Variants in AADACL2 observed in about 807,000 individuals in gnomAD.
AADACL2 encodes arylacetamide deacetylase-like 2.
AADACL2 carries 23 observed loss-of-function variants against 22.3 expected under a neutral mutation model. The observed-to-expected ratio is 1.03, with a 90% CI of 0.74 to 1.46. The LOEUF (loss-of-function observed/expected upper bound fraction) is 1.46, where lower values mean the gene tolerates loss of function less well. AADACL2 is among the 40% of genes most tolerant of loss of function. AADACL2 has a pLI of 0.00. For missense variants in AADACL2, 472 were observed against 482.9 expected, an observed-to-expected ratio of 0.98 and a Z score of 0.21; for synonymous variants, 177 against 166.2, an observed-to-expected ratio of 1.07 and a Z score of -0.50.
At chr3:151,743,423 ATG>A (rs960992353) in intron 2 of AADACL2, among the ~76,000 whole-genome samples, 2 of 151,592 alleles carry the variant, frequency 1.3e-5, no homozygotes, top group African/African-American at 2.4e-5. Flanking sequence ...CTGGGGAAAG[ATG>A]TGTGTGTGTG....
At chr3:151,749,484 CT>C (rs1038929559) in intron 4 of AADACL2, among the ~76,000 whole-genome samples, 37 of 151,372 alleles carry the variant, frequency 2.4e-4, no homozygotes, top group African/African-American at 8.5e-4. Context: ...TGAAAATAGA[CT>C]TTTTTTTTGG....
At position 151,734,062 on chromosome 3, in the gene AADACL2, G is replaced by T. The variant is rs1214306404; in HGVS notation, c.27G>T (p.Gly9=). The T allele has an allele frequency of 1.2e-6, 2 of 1,612,922 alleles. No homozygotes were observed. The highest frequency in any genetic ancestry group is 1.7e-4 in the Middle Eastern group (1 of 6,052). The change falls in exon 1 of 5, where the codon GGG becomes GGT. Residue 9 remains glycine, a synonymous_variant. Coordinates refer to ENST00000356517, the MANE Select transcript of AADACL2 (RefSeq NM_207365.4). ...TGGGGCTAAAAGCTCTCTGTTTGGG[G>T]CTGCTTTGTGTTCTTTTTGTCTCTC... MGLKALCL[G]LLCVLFVSHF... is the part of the protein sequence containing the mutation.
Position 151,744,128 on chromosome 3 carries a change from G to A in AADACL2, c.397G>A (p.Ala133Thr). ...TTTTGACTTCCTGAATAGATGGACG[G>A]CAAACACGCTTGATGCTGTTGTTGT... ...RAFDFLNRWT[A>T]NTLDAVVVGV... The change falls in exon 3 of 5, where the codon GCA (alanine) becomes ACA (threonine). Residue 133 changes from alanine (A) to threonine (T), a missense_variant. By Grantham distance (58) the Ala-to-Thr change is moderately conservative. Transcript: ENST00000356517. 3 of 1,613,628 alleles carry A rather than the reference G, an allele frequency of 1.9e-6. No individual in the cohort carries two copies. The highest frequency in any genetic ancestry group is 2.5e-6 in the Non-Finnish European group (3 of 1,179,714).
chr3:151,745,694 G>T lies in AADACL2; in HGVS notation c.603+14G>T. 1.3e-6 allele frequency: 2 copies of T among 1,554,580 alleles called. No homozygotes were observed. The highest frequency in any genetic ancestry group is 8.7e-7 in the Non-Finnish European group (1 of 1,154,556). ...GTCACTCAACAGGTACATTATATTT[G>T]TTTTTATGATAGGAGGCAGAAATTG... On this transcript the variant is annotated intron_variant, in intron 4 of 4. Coordinates refer to ENST00000356517, the MANE Select transcript of AADACL2 (RefSeq NM_207365.4).
At chr3:151,747,432 C>T (rs1226767914) in intron 4 of AADACL2, among the ~76,000 whole-genome samples, 1 of 152,138 alleles carries the variant, frequency 6.6e-6, no homozygotes. Context: ...CCCAGCTCCT[C>T]ATAACCACCA....
At chr3:151,740,966 C>A in intron 2 of AADACL2, 98 bp downstream of exon 2, 2 of 931,206 alleles carry the variant, frequency 2.1e-6, no homozygotes, top group Non-Finnish European at 3.2e-6. Context: ...ATACATACAT[C>A]TATATATATA....
In AADACL2 at chr3:151,757,561, T is replaced by C. The variant is rs775596330; in HGVS notation, c.1173T>C (p.Asp391=). ...FYLRLGLRIR[D]MYVSWLDKNL The stretch of plus-strand genomic sequence containing the variant: ...TACGTCTAGGTCTTAGGATAAGAGA[T>C]ATGTATGTAAGTTGGCTGGATAAGA... The change falls in exon 5 of 5, where the codon GAT becomes GAC. Residue 391 remains aspartate, a synonymous_variant. Transcript: ENST00000356517. The C allele has an allele frequency of 6.2e-6, 10 of 1,611,926 alleles. No homozygotes were observed. The highest frequency in any genetic ancestry group is 1.1e-5 in the South Asian group (1 of 90,888).
intron 1 of AADACL2, among the ~76,000 whole-genome samples, chr3:151,735,974 C>A (rs1576609690): frequency 6.6e-6 from 1 of 152,038 alleles, no homozygotes; most frequent in East Asian, 1.9e-4. Context: ...ATACCAAAGG[C>A]AGCTTTTTTC....
rs1182741915 is a variant in AADACL2 at position 151,744,126 on chromosome 3, CG to C, written c.397del (p.Ala133GlnfsTer9). The C allele has an allele frequency of 6.2e-7, 1 of 1,613,540 alleles. No homozygotes were observed. The highest frequency in any genetic ancestry group is 8.5e-7 in the Non-Finnish European group (1 of 1,179,728). On this transcript the variant is annotated frameshift_variant, in exon 3 of 5. Transcript: ENST00000356517. LOFTEE classifies it high-confidence loss of function. ...QRAFDFLNRWTANTLDAVVVG... is the reference protein window; with the variant it reads ...QRAFDFLNRWXANTLDAVVVG... ...GCTTTTGACTTCCTGAATAGATGGA[CG>C]GCAAACACGCTTGATGCTGTTGTTG...
At chr3:151,737,687 G>C (rs1713138288) in intron 1 of AADACL2, among the ~76,000 whole-genome samples, 1 of 152,128 alleles carries the variant, frequency 6.6e-6, no homozygotes, top group Non-Finnish European at 1.5e-5. Flanking sequence ...AGCTCTTCTT[G>C]TTGCCTTGGT....
At chr3:151,749,774 C>A (rs1056591787) in intron 4 of AADACL2, among the ~76,000 whole-genome samples, 4 of 151,646 alleles carry the variant, frequency 2.6e-5, no homozygotes, top group African/African-American at 9.7e-5. Flanking sequence ...AGCCACTGCA[C>A]CCGGCCCAGA....
At chr3:151,740,579 C>G in intron 1 of AADACL2, 67 bp from the exon 2 acceptor site, 2 of 1,051,178 alleles carry the variant, frequency 1.9e-6, no homozygotes, top group Non-Finnish European at 2.6e-6. Flanking sequence ...TTTTAACTTT[C>G]TTTTTAAATA....
rs915209385 is a variant in AADACL2, at chr3:151,755,510, T to G, written c.604-1482T>G. 4.6e-5 allele frequency among the ~76,000 whole-genome samples: 7 copies of G among 152,272 alleles called. No homozygotes were observed. The East Asian group carries it at 1.2e-3, about 25-fold the overall frequency. The stretch of plus-strand genomic sequence containing the variant: ...AAACACACCTGATAAATAACATAGT[T>G]GTTAAGACTATGGCAAAATTGCCAA... On this transcript the variant is annotated intron_variant, in intron 4 of 4. Coordinates refer to ENST00000356517, the MANE Select transcript of AADACL2 (RefSeq NM_207365.4).
At chr3:151,743,235 G>T (rs943457142) in intron 2 of AADACL2, among the ~76,000 whole-genome samples, 2 of 152,244 alleles carry the variant, frequency 1.3e-5, no homozygotes, top group Non-Finnish European at 2.9e-5. Context: ...CCTGTGGTTA[G>T]TTTTCACTTT....
intron 3 of AADACL2, 136 bp downstream of exon 3, chr3:151,744,298 A>C: frequency 1.4e-6 from 1 of 735,194 alleles, no homozygotes; most frequent in Non-Finnish European, 2.2e-6. Flanking sequence ...TGCAACATAG[A>C]CTGCTCCTCA....
At position 151,740,850 on chromosome 3, in the gene AADACL2, T is replaced by A; in HGVS notation, c.343T>A (p.Phe115Ile). 1 of 1,613,884 alleles carries A rather than the reference T, an allele frequency of 6.2e-7. No homozygotes were observed. Among genetic ancestry groups the A allele is most frequent in the Non-Finnish European group, 8.5e-7 (1 of 1,179,910 alleles). Reference sequence around the variant, plus strand: ...TGTGATATATTTTCATGGTGGTGGTTTTTGTTTTGGAAGTTCCAGTAAGTT... The same window carrying A: ...TGTGATATATTTTCATGGTGGTGGTATTTGTTTTGGAAGTTCCAGTAAGTT... Reference protein sequence around the residue: ...RAVIYFHGGGFCFGSSKQRAF... With the variant: ...RAVIYFHGGGICFGSSKQRAF... Residue 115 changes from phenylalanine (F) to isoleucine (I), a missense_variant, in exon 2 of 5, where the codon TTT becomes ATT. Physicochemically the swap from Phe to Ile is conservative, Grantham distance 21. Around this residue, in one of 3 missense-constraint regions of AADACL2, gnomAD observed 356 missense variants for 365.5 expected, o/e 0.97. Transcript: ENST00000356517.
At chr3:151,744,314 G>T (rs534029468) in intron 3 of AADACL2, 152 bp downstream of exon 3, 9 of 665,832 alleles carry the variant, frequency 1.4e-5, no homozygotes, top group Non-Finnish European at 2.2e-5. Context: ...CCTCAAAGAG[G>T]TTCAGTGTCC....
intron 2 of AADACL2, among the ~76,000 whole-genome samples, chr3:151,741,649 T>C (rs1713281073): frequency 6.6e-6 from 1 of 152,196 alleles, no homozygotes; most frequent in African/African-American, 2.4e-5. Context: ...ACCTGCTTTC[T>C]TGATAAGATA....
At chr3:151,743,821 G>A (rs769582419) in intron 2 of AADACL2, among the ~76,000 whole-genome samples, 3 of 152,072 alleles carry the variant, frequency 2.0e-5, no homozygotes, top group Non-Finnish European at 4.4e-5. Flanking sequence ...ATGTCAAGAC[G>A]ATATTACAAT....
Sources: allele counts gnomAD v4.1 joint callset (sites outside exome capture counted in the v4.1 genomes callset), GRCh38; gene constraint gnomAD v4.1.1; regional missense constraint gnomAD v4.1.1; transcripts MANE v1.5; gene names NCBI Gene and HGNC (gene_info 2026-07-23, HGNC 2026-07-21).